RBBP8: variants seen among roughly 807,000 people sequenced by gnomAD.
The protein encoded by RBBP8 is DNA endonuclease RBBP8.
In RBBP8, 88 loss-of-function variants were observed where a neutral mutation model predicts 108.3. The ratio of observed to expected loss-of-function variants is 0.81; its 90% CI spans 0.68 to 0.97. The LOEUF (loss-of-function observed/expected upper bound fraction) is 0.97. Among genes scored for constraint, RBBP8 ranks in the 50% least tolerant of loss-of-function variants. RBBP8 has a pLI of 0.00. For missense variants in RBBP8, 1,023 were observed against 1,049.0 expected (o/e 0.98, Z 0.34); for synonymous variants, 332 against 348.2 (o/e 0.95, Z 0.52).
intron 3 of RBBP8, among the ~76,000 whole-genome samples, chr18:22,923,241 T>C (rs1909667796): frequency 6.6e-6 from 1 of 152,144 alleles, no homozygotes; most frequent in Admixed American, 6.5e-5. Flanking sequence ...ACAACCAAAG[T>C]ACAGAGAAAT....
At position 22,993,477 on chromosome 18, in the gene RBBP8, A is replaced by T. The variant is rs2144705270; in HGVS notation, c.1650A>T (p.Pro550=). Reference sequence around the variant, plus strand: ...ACTGCACGTTGCCCAAAGATTCCCCAGGGGAGCCCTGTTCACAGGAATGCA... The same window carrying T: ...ACTGCACGTTGCCCAAAGATTCCCCTGGGGAGCCCTGTTCACAGGAATGCA... ...DGNCTLPKDS[P]GEPCSQECII... Residue 550 remains proline, a synonymous_variant, in exon 11 of 19, where the codon CCA becomes CCT. Coordinates refer to ENST00000327155, the MANE Select transcript of RBBP8 (RefSeq NM_002894.3). The T allele has an allele frequency of 1.9e-6, 3 of 1,614,214 alleles. No individual in the cohort carries two copies. Among genetic ancestry groups the T allele is most frequent in the Non-Finnish European group, 2.5e-6 (3 of 1,180,036 alleles).
At chr18:22,964,444 A>G (rs1244972685) in intron 4 of RBBP8, among the ~76,000 whole-genome samples, 1 of 144,698 alleles carries the variant, frequency 6.9e-6, no homozygotes, top group Admixed American at 7.1e-5. Context: ...ACTATTCCCC[A>G]CACTGCCTCA....
At chr18:23,025,981 T>C (rs1204332285) in intron 18 of RBBP8, among the ~76,000 whole-genome samples, 162 bp from the exon 19 acceptor site, 1 of 152,212 alleles carries the variant, frequency 6.6e-6, no homozygotes, top group African/African-American at 2.4e-5. Context: ...ATGAGGAAAC[T>C]GATGCTAAAT....
intron 16 of RBBP8, among the ~76,000 whole-genome samples, chr18:23,015,757 A>G (rs2046244719): frequency 6.6e-6 from 1 of 152,156 alleles, no homozygotes; most frequent in Non-Finnish European, 1.5e-5. Context: ...TGTAAAAAAA[A>G]TCAGTTGACT....
intron 16 of RBBP8, among the ~76,000 whole-genome samples, chr18:23,007,714 A>AAC (rs2046080912): frequency 6.6e-6 from 1 of 151,114 alleles, no homozygotes; most frequent in Non-Finnish European, 1.5e-5. Flanking sequence ...AAAAAAAAAA[A>AAC]AGACTTTAGG....
In RBBP8 at chr18:22,990,936, G is replaced by A. The variant is rs778293883; in HGVS notation, c.808-1G>A. On this transcript the variant is annotated splice_acceptor_variant, in intron 9 of 18. Transcript: ENST00000327155. LOFTEE classifies it high-confidence loss of function. ...ATGTGCTTCATATTTTACTCTTGAA[G>A]GAAACTCAAGGTCCCATGAGCCCCC... is the stretch of plus-strand genomic sequence containing the variant. The A allele has an allele frequency of 6.2e-7, 1 of 1,607,186 alleles. No individual in the cohort carries two copies. The highest frequency in any genetic ancestry group is 1.1e-5 in the South Asian group (1 of 90,902).
chr18:22,953,985 AACTC>A lies in RBBP8; in HGVS notation c.248+4280_248+4283del, dbSNP rs996733652. Among the ~76,000 whole-genome samples, 136 of 152,106 alleles carry A rather than the reference AACTC, an allele frequency of 8.9e-4. 1 individual carries two copies. Among genetic ancestry groups the A allele is most frequent in the African/African-American group, 3.0e-3 (126 of 41,506 alleles). ...TTATAAAACCATCAGATCTCATGAG[AACTC>A]ACTCACTATCCACAAGAACAGAAGC... is the stretch of plus-strand genomic sequence containing the variant. On this transcript the variant is annotated intron_variant, in intron 4 of 18. Coordinates refer to ENST00000327155, the MANE Select transcript of RBBP8 (RefSeq NM_002894.3).
chr18:22,949,027 A>G (rs1027528673), intron 3 of RBBP8, among the ~76,000 whole-genome samples: 1 of 152,164 alleles, frequency 6.6e-6, no homozygotes, highest in Non-Finnish European at 1.5e-5. Flanking sequence ...TGTGTGCCAC[A>G]CTGTTCCGTA....
chr18:22,915,630 T>G (rs1909325718), intron 2 of RBBP8: 1 of 152,172 alleles, frequency 6.6e-6, no homozygotes, highest in Non-Finnish European at 1.5e-5. Flanking sequence ...GCTGAATTTT[T>G]CTGAATTTAC....
chr18:22,982,330 A>G lies in RBBP8; in HGVS notation c.541A>G (p.Asn181Asp). 3 of 1,614,166 alleles carry G rather than the reference A, an allele frequency of 1.9e-6. No individual in the cohort carries two copies. The highest frequency in any genetic ancestry group is 2.5e-6 in the Non-Finnish European group (3 of 1,180,014). ...SGVNRLRRKENPHVRYIEQTH... is the reference protein window; with the variant it reads ...SGVNRLRRKEDPHVRYIEQTH... ...CGTTAACCGGCTACGAAGAAAGGAG[A>G]ACCCCCATGTCCGATACATAGAACA... is the stretch of plus-strand genomic sequence containing the variant. The change falls in exon 7 of 19, where the codon AAC (asparagine) becomes GAC (aspartate). Residue 181 changes from asparagine to aspartate, a missense_variant. Asn to Asp is a conservative substitution (Grantham distance 23, BLOSUM62 1). Transcript: ENST00000327155.
At chr18:22,938,117 G>A (rs1910736965) in intron 2 of RBBP8, among the ~76,000 whole-genome samples, 2 of 151,756 alleles carry the variant, frequency 1.3e-5, no homozygotes, top group East Asian at 1.9e-4. Context: ...GTCCGCTGCT[G>A]TGCCCAGCTG....
chr18:22,949,588 T>C (rs766337434), intron 3 of RBBP8, 30 bp from the exon 4 acceptor site: 1 of 1,490,522 alleles, frequency 6.7e-7, no homozygotes. Flanking sequence ...TATTTTTATC[T>C]GAAAAACTTA....
intron 4 of RBBP8, among the ~76,000 whole-genome samples, chr18:22,953,534 T>C (rs1912221988): frequency 6.6e-6 from 1 of 152,196 alleles, no homozygotes; most frequent in Non-Finnish European, 1.5e-5. Flanking sequence ...TCCTGCCCCT[T>C]GAAGACATTG....
At chr18:22,970,042 A>G (rs1051944274) in intron 5 of RBBP8, among the ~76,000 whole-genome samples, 3 of 152,238 alleles carry the variant, frequency 2.0e-5, no homozygotes, top group Non-Finnish European at 4.4e-5. Flanking sequence ...ATAAAGTCAC[A>G]TAGTATTCGC....
upstream of RBBP8, among the ~76,000 whole-genome samples, chr18:22,930,833 A>G (rs1909996199): frequency 6.6e-6 from 1 of 152,108 alleles, no homozygotes; most frequent in Admixed American, 6.6e-5. Context: ...GTACAGTGGC[A>G]CAATCATAGT....
At chr18:22,929,545 T>TGG, upstream of RBBP8, 1 of 127,198 alleles carries the variant, frequency 7.9e-6, no homozygotes, top group Admixed American at 7.4e-5. Context: ...TGTGTGTGTG[T>TGG]GTGTGTATGT....
Position 22,975,203 on chromosome 18 carries a change from C to T in RBBP8, c.412C>T (p.Leu138Phe). Residue 138 changes from leucine (L) to phenylalanine (F), a missense_variant, in exon 6 of 19, where the codon CTC becomes TTC. Transcript: ENST00000327155. ...AGAAAATAAAAAGCTTTCTGAACAA[C>T]TCCAGCAGAAAATTGAGTAAGTATT... ...QEENKKLSEQ[L>F]QQKIENDQQH... 2 of 1,612,734 alleles carry T rather than the reference C, an allele frequency of 1.2e-6. No individual in the cohort carries two copies. Among genetic ancestry groups the T allele is most frequent in the Non-Finnish European group, 1.7e-6 (2 of 1,179,274 alleles).
chr18:22,956,661 T>C lies in RBBP8; in HGVS notation c.248+6948T>C, dbSNP rs150867917. ...CTATTTTGTTAAAATTTCTGAACAG[T>C]AATTCAGCCTACTCTTCATAAAACA... On this transcript the variant is annotated intron_variant, in intron 4 of 18. Transcript: ENST00000327155. 3.7e-3 allele frequency among the ~76,000 whole-genome samples: 563 copies of C among 152,320 alleles called. 4 individuals carry two copies. Among genetic ancestry groups the C allele is most frequent in the African/African-American group, 0.013 (544 of 41,572 alleles).
At chr18:23,016,003 G>A (rs1263840423) in intron 16 of RBBP8, among the ~76,000 whole-genome samples, 1 of 151,976 alleles carries the variant, frequency 6.6e-6, no homozygotes, top group Non-Finnish European at 1.5e-5. Flanking sequence ...TTTGCCTCCC[G>A]GGTTCAAGCG....
Sources: gnomAD v4.1 joint callset for allele counts (sites outside exome capture counted in the v4.1 genomes callset) on GRCh38, gnomAD v4.1.1 for gene constraint, MANE v1.5 for transcripts, NCBI Gene and HGNC (gene_info 2026-07-23, HGNC 2026-07-21) for gene names.